Variants in PLCB4 observed in about 807,000 individuals in gnomAD.
PLCB4 encodes the protein 1-phosphatidylinositol 4,5-bisphosphate phosphodiesterase beta-4.
In PLCB4, 77 loss-of-function variants were observed where a neutral mutation model predicts 178.8. The observed-to-expected ratio is 0.43, with a 90% CI of 0.36 to 0.52. The LOEUF (loss-of-function observed/expected upper bound fraction) is 0.52. Among genes scored for constraint, PLCB4 ranks in the 20% least tolerant of loss-of-function variants. The pLI is 0.00. For missense variants in PLCB4, 1,024 were observed against 1,453.4 expected (o/e 0.70, Z 4.80); for synonymous variants, 496 against 490.8 (o/e 1.01, Z -0.14).
At chr20:9,079,310 G>A (rs2090033848) in intron 1 of PLCB4, among the ~76,000 whole-genome samples, 1 of 152,160 alleles carries the variant, frequency 6.6e-6, no homozygotes, top group African/African-American at 2.4e-5. Context: ...GTGTGGGCAG[G>A]TGTAGGGAAT....
chr20:9,412,807 G>A (rs2039949203), intron 25 of PLCB4, among the ~76,000 whole-genome samples: 1 of 152,146 alleles, frequency 6.6e-6, no homozygotes, highest in African/African-American at 2.4e-5. Flanking sequence ...CTTACTCCAT[G>A]GTTCTAAATC....
chr20:9,478,865 A>C (rs762769788), intron 39 of PLCB4, 56 bp from the exon 40 acceptor site: 3 of 1,293,450 alleles, frequency 2.3e-6, no homozygotes, highest in East Asian at 2.3e-5. Flanking sequence ...CAGGGTTGTT[A>C]AGTGCCTTCA....
At chr20:9,413,124 C>T (rs952500807) in intron 25 of PLCB4, among the ~76,000 whole-genome samples, 10 of 152,202 alleles carry the variant, frequency 6.6e-5, no homozygotes, top group African/African-American at 1.7e-4. Context: ...GAGTCAGCCT[C>T]AGCACTCCTG....
chr20:9,133,411 G>A (rs957024280), intron 2 of PLCB4, among the ~76,000 whole-genome samples: 1 of 151,178 alleles, frequency 6.6e-6, no homozygotes, highest in African/African-American at 2.4e-5. Flanking sequence ...GGGACTACAG[G>A]TGCACACCAC....
rs1568932321 is a variant in PLCB4, at chr20:9,480,375, T to A, written c.*1366T>A. ...GAATTGTTGTATATGCTTGTAAAAA[T>A]TGATTCTGTGTGTTCCTCTGAACAA... is the stretch of plus-strand genomic sequence containing the variant. On this transcript the variant is annotated 3_prime_UTR_variant, in exon 40 of 40. Coordinates refer to ENST00000378473, the MANE Select transcript of PLCB4 (RefSeq NM_001377142.1). 2 of 152,588 alleles carry A rather than the reference T, an allele frequency of 1.3e-5. No homozygotes were observed. Among genetic ancestry groups the A allele is most frequent in the East Asian group, 3.9e-4 (2 of 5,188 alleles). 9.5% of individuals were successfully genotyped at this position (152,588 alleles called of 1,614,324 possible).
At chr20:9,476,155 G>A (rs983266864) in intron 38 of PLCB4, among the ~76,000 whole-genome samples, 3 of 152,142 alleles carry the variant, frequency 2.0e-5, no homozygotes, top group South Asian at 2.1e-4. Context: ...CAAACCAGGC[G>A]TCAGTATGTT....
chr20:9,281,479 G>A (rs951860312), intron 3 of PLCB4, among the ~76,000 whole-genome samples: 2 of 151,898 alleles, frequency 1.3e-5, no homozygotes, highest in African/African-American at 4.8e-5. Context: ...GGTATATTAG[G>A]TTAAAATGAT....
At chr20:9,153,134 G>A (rs981973579) in intron 2 of PLCB4, among the ~76,000 whole-genome samples, 19 of 152,152 alleles carry the variant, frequency 1.2e-4, no homozygotes, top group African/African-American at 4.3e-4. Flanking sequence ...AGGCTCATAG[G>A]CAGAAGTGAC....
At position 9,474,720 on chromosome 20, in the gene PLCB4, A is replaced by C. The variant is rs557217885; in HGVS notation, c.3495+1355A>C. Among the ~76,000 whole-genome samples the C allele has an allele frequency of 1.2e-4, 18 of 152,316 alleles. No homozygotes were observed. In the South Asian group the frequency reaches 3.7e-3, roughly 32 times the overall value. On this transcript the variant is annotated intron_variant, in intron 38 of 39. Transcript: ENST00000378473. ...TAAAATAAAATCTTTTTTGTATGGC[A>C]ATTGGGTAACAGATAAATCTGACTT...
chr20:9,318,384 G>A (rs1249779190), intron 4 of PLCB4, among the ~76,000 whole-genome samples: 1 of 151,914 alleles, frequency 6.6e-6, no homozygotes. Flanking sequence ...AGTGGGGTTG[G>A]CAAGTCCAGG....
intron 2 of PLCB4, among the ~76,000 whole-genome samples, chr20:9,148,890 G>A (rs760385132): frequency 3.3e-5 from 5 of 152,196 alleles, no homozygotes; most frequent in African/African-American, 4.8e-5. Flanking sequence ...GAACTGTGCA[G>A]TAATATAGAA....
chr20:9,472,789 G>A lies in PLCB4; in HGVS notation c.3351-1G>A, dbSNP rs6086893. 6.3e-7 allele frequency: 1 copy of A among 1,586,042 alleles called. No individual in the cohort carries two copies. The highest frequency in any genetic ancestry group is 8.6e-7 in the Non-Finnish European group (1 of 1,160,972). On this transcript the variant is annotated splice_acceptor_variant, in intron 36 of 39. Coordinates refer to ENST00000378473, the MANE Select transcript of PLCB4 (RefSeq NM_001377142.1). LOFTEE classifies it high-confidence loss of function. ...CCGTTATTTGTGCCCATTGCTTTTAGGCGAGTCAGGGAGTTAAACAGCAGC... is the reference window on the plus strand; with the variant it reads ...CCGTTATTTGTGCCCATTGCTTTTAAGCGAGTCAGGGAGTTAAACAGCAGC...
chr20:9,301,068 G>A (rs185061666), intron 3 of PLCB4, among the ~76,000 whole-genome samples: 68 of 151,276 alleles, frequency 4.5e-4, no homozygotes, highest in African/African-American at 1.5e-3. Context: ...CTCTGCCTCC[G>A]TAGTCGCATT....
chr20:9,445,976 A>G (rs532646846), intron 32 of PLCB4, among the ~76,000 whole-genome samples: 24 of 152,310 alleles, frequency 1.6e-4, no homozygotes, highest in African/African-American at 5.5e-4. Context: ...GGAAACATAA[A>G]GATTTTGGCT....
At chr20:9,385,931 C>T (rs990440157) in intron 14 of PLCB4, among the ~76,000 whole-genome samples, 3 of 152,150 alleles carry the variant, frequency 2.0e-5, no homozygotes, top group East Asian at 1.9e-4. Context: ...TGTGGCGAGC[C>T]GAGATCACGC....
At chr20:9,242,197 G>A (rs770024157) in intron 3 of PLCB4, among the ~76,000 whole-genome samples, 1 of 152,204 alleles carries the variant, frequency 6.6e-6, no homozygotes, top group Non-Finnish European at 1.5e-5. Context: ...ATACAGGGAG[G>A]TTATTAAATG....
At chr20:9,208,397 T>A (rs1287475748) in intron 2 of PLCB4, among the ~76,000 whole-genome samples, 7 of 152,248 alleles carry the variant, frequency 4.6e-5, no homozygotes, top group Admixed American at 4.6e-4. Flanking sequence ...TACTATTTGC[T>A]TCTGACAGTT....
In PLCB4 at chr20:9,428,640, C is replaced by A. The variant is rs370723166; in HGVS notation, c.2524+4688C>A. 7.9e-5 allele frequency among the ~76,000 whole-genome samples: 12 copies of A among 152,262 alleles called. No homozygotes were observed. In the South Asian group the frequency reaches 2.5e-3, roughly 32 times the overall value. ...AATCATAGACTTGGGATTTGCCTTT[C>A]TTTATCAGCACCACATTGCAGCTGA... On this transcript the variant is annotated intron_variant, in intron 28 of 39. Transcript: ENST00000378473.
chr20:9,185,571 C>G (rs1470563083), intron 2 of PLCB4, among the ~76,000 whole-genome samples: 2 of 152,156 alleles, frequency 1.3e-5, no homozygotes, highest in African/African-American at 4.8e-5. Context: ...GCCTGTTCTG[C>G]ACTCAGCACC....
Sources: allele counts gnomAD v4.1 joint callset (sites outside exome capture counted in the v4.1 genomes callset), GRCh38; gene constraint gnomAD v4.1.1; transcripts MANE v1.5; gene names NCBI Gene and HGNC (gene_info 2026-07-23, HGNC 2026-07-21).